Variants in INTS3 observed in about 807,000 individuals in gnomAD.
INTS3 encodes the protein integrator complex subunit 3, also known as SOSS complex subunit A.
Under a neutral mutation model 146.3 loss-of-function variants are expected in INTS3, and 34 were observed. The observed-to-expected ratio is 0.23, with a 90% CI of 0.18 to 0.31. INTS3 has a LOEUF of 0.31. INTS3 is among the 10% of genes least tolerant of loss of function. The probability of loss-of-function intolerance (pLI) is 1.00; values close to 1 mark genes in which losing one functional copy is unlikely to be tolerated. For synonymous variants in INTS3, 475 were observed against 494.9 expected (o/e 0.96, Z 0.53); for missense variants, 757 against 1,304.2 (o/e 0.58, Z 6.46).
intron 22 of INTS3, 30 bp downstream of exon 22, chr1:153,768,991 G>T: frequency 6.4e-7 from 1 of 1,566,750 alleles, no homozygotes; most frequent in South Asian, 1.1e-5. Flanking sequence ...CTCCCCAGAA[G>T]ATCTGGGAGG....
In INTS3 at chr1:153,772,782, G is replaced by C. The variant is rs1376573334; in HGVS notation, c.2894+71G>C. ...GCCTAAGGGAGAGGAAGCCTGCTAG[G>C]GACATAAACGTAATGGCCAGCAAGA... On this transcript the variant is annotated intron_variant, in intron 28 of 29. Coordinates refer to ENST00000318967, the MANE Select transcript of INTS3 (RefSeq NM_023015.5). This position sits in a 1 kb window ranked among gnomAD's most constrained non-coding sequence, Gnocchi z 4.6. The C allele has an allele frequency of 6.3e-7, 1 of 1,585,668 alleles. No homozygotes were observed. The highest frequency in any genetic ancestry group is 8.6e-7 in the Non-Finnish European group (1 of 1,164,904).
Position 153,770,704 on chromosome 1 carries a change from C to T in INTS3, c.2523C>T (p.Ser841=), listed in dbSNP as rs1328801696. ...TCACAGAGCACCCAGAGGCCCTGTCCTGCCTACTGCTTCAACTCCGAAGAG... is the reference window on the plus strand; with the variant it reads ...TCACAGAGCACCCAGAGGCCCTGTCTTGCCTACTGCTTCAACTCCGAAGAG... The part of the protein sequence containing the change: ...LKYKEHPEAL[S]CLLLQLRREK... Residue 841 remains serine, a synonymous_variant, in exon 25 of 30, where the codon TCC becomes TCT. Transcript: ENST00000318967. 1 of 1,613,826 alleles carries T rather than the reference C, an allele frequency of 6.2e-7. No individual in the cohort carries two copies. The highest frequency in any genetic ancestry group is 8.5e-7 in the Non-Finnish European group (1 of 1,179,820).
At chr1:153,760,997 C>G (rs989187054) in intron 13 of INTS3, 79 bp downstream of exon 13, 6 of 1,568,454 alleles carry the variant, frequency 3.8e-6, no homozygotes, top group Non-Finnish European at 3.5e-6. Flanking sequence ...TGCCATAGCA[C>G]TGCTGGCCCT....
At chr1:153,746,450 G>C (rs1169021494) in intron 3 of INTS3, among the ~76,000 whole-genome samples, 8 of 151,474 alleles carry the variant, frequency 5.3e-5, no homozygotes. Flanking sequence ...ACCCAGGCTA[G>C]AGTGCAGTGG....
At chr1:153,742,710 G>GT (rs1671584119) in intron 3 of INTS3, among the ~76,000 whole-genome samples, 1 of 152,208 alleles carries the variant, frequency 6.6e-6, no homozygotes, top group Admixed American at 6.5e-5. Flanking sequence ...TGGCCTATCA[G>GT]TAAGAGGCCA....
At chr1:153,761,254 T>G in intron 13 of INTS3, 1 of 513,596 alleles carries the variant, frequency 1.9e-6, no homozygotes, top group Non-Finnish European at 3.3e-6. Flanking sequence ...CTCATGCCTG[T>G]AATCCCAGCA....
chr1:153,770,555 G>A (rs550598413), intron 24 of INTS3, 130 bp from the exon 25 acceptor site: 2 of 797,168 alleles, frequency 2.5e-6, no homozygotes, highest in East Asian at 2.6e-5. Context: ...TGGGGTAGGG[G>A]ATTCTTCCTG....
At chr1:153,734,409 T>A (rs1306512572) in intron 1 of INTS3, among the ~76,000 whole-genome samples, 5 of 151,932 alleles carry the variant, frequency 3.3e-5, no homozygotes, top group African/African-American at 1.2e-4. Context: ...AAAGTATCCT[T>A]TATACTTCTT....
chr1:153,765,984 C>T (rs1672564060), intron 20 of INTS3, among the ~76,000 whole-genome samples: 1 of 152,154 alleles, frequency 6.6e-6, no homozygotes, highest in Non-Finnish European at 1.5e-5. Flanking sequence ...AATCACTTTG[C>T]CATTTTCTCC....
At chr1:153,742,824 T>C (rs1342301053) in intron 3 of INTS3, among the ~76,000 whole-genome samples, 5 of 152,196 alleles carry the variant, frequency 3.3e-5, no homozygotes, top group Non-Finnish European at 7.4e-5. Flanking sequence ...AACAGCCCCA[T>C]GTGGGAGGCC....
intron 3 of INTS3, 46 bp downstream of exon 3, chr1:153,741,414 C>T: frequency 7.4e-7 from 1 of 1,358,236 alleles, no homozygotes; most frequent in Non-Finnish European, 1.1e-6. Flanking sequence ...CATATATGAT[C>T]TGGGATATGG....
At chr1:153,764,258 GCC>G in intron 18 of INTS3, 37 bp downstream of exon 18, 1 of 1,416,444 alleles carries the variant, frequency 7.1e-7, no homozygotes, top group Non-Finnish European at 1.0e-6. Context: ...AGCCTCAGGA[GCC>G]AGAGGGTGCT....
chr1:153,741,188 T>A, intron 2 of INTS3, 97 bp from the exon 3 acceptor site: 1 of 841,192 alleles, frequency 1.2e-6, no homozygotes, highest in South Asian at 1.4e-5. Context: ...CTCCTTTGCA[T>A]CTTCCTTAGG....
rs367942240 is a variant in INTS3, at chr1:153,732,671, T to C, written c.150+3887T>C. Among the ~76,000 whole-genome samples the C allele has an allele frequency of 4.0e-3, 609 of 151,352 alleles. 8 individuals are homozygous for C. The highest frequency in any genetic ancestry group is 0.014 in the African/African-American group (587 of 41,246). On this transcript the variant is annotated intron_variant, in intron 1 of 29. Transcript: ENST00000318967. ...CCACATTGGCTAGGCTGGTCTCAAA[T>C]TCCTGAACTCAGGTGATCCACCTGC...
chr1:153,743,681 G>T (rs1474532676), intron 3 of INTS3, among the ~76,000 whole-genome samples: 2 of 152,094 alleles, frequency 1.3e-5, no homozygotes, highest in East Asian at 3.8e-4. Flanking sequence ...TTTTCTATTT[G>T]GTGTCTGAAC....
chr1:153,740,288 C>T (rs943521509), intron 1 of INTS3, among the ~76,000 whole-genome samples: 10 of 151,720 alleles, frequency 6.6e-5, no homozygotes, highest in African/African-American at 1.9e-4. Context: ...TCAGTAGAGA[C>T]GGGGTTTCAC....
intron 9 of INTS3, 59 bp downstream of exon 9, chr1:153,754,798 G>T: frequency 9.3e-7 from 1 of 1,075,648 alleles, no homozygotes; most frequent in South Asian, 1.2e-5. Flanking sequence ...TTCTTGCTTC[G>T]GTCTGTGGAG....
chr1:153,750,951 A>G (rs1334820488), intron 6 of INTS3, 144 bp from the exon 7 acceptor site: 3 of 756,582 alleles, frequency 4.0e-6, no homozygotes, highest in Non-Finnish European at 6.3e-6. Flanking sequence ...AGCATGAGTG[A>G]GCAAGCAAAA....
At chr1:153,758,245 C>T (rs545496452) in intron 10 of INTS3, among the ~76,000 whole-genome samples, 32 of 152,322 alleles carry the variant, frequency 2.1e-4, no homozygotes, top group African/African-American at 7.0e-4. Context: ...TATCCATTCT[C>T]TGGCATCTGG....
Sources: gnomAD v4.1 joint callset for allele counts (sites outside exome capture counted in the v4.1 genomes callset) on GRCh38, gnomAD v4.1.1 for gene constraint, Gnocchi (gnomAD v3.1) non-coding constraint, MANE v1.5 for transcripts, NCBI Gene and HGNC (gene_info 2026-07-23, HGNC 2026-07-21) for gene names.